SATB2: variants seen among roughly 807,000 people sequenced by gnomAD.
SATB2 encodes SATB homeobox 2, also known as DNA-binding protein SATB2.
A neutral mutation model predicts 73.4 loss-of-function variants in SATB2; 1 was observed. The ratio of observed to expected loss-of-function variants is 0.01; its 90% CI spans 0.00 to 0.06. SATB2 has a LOEUF of 0.06. Ranked by LOEUF, SATB2 falls within the 10% of genes least tolerant of loss-of-function variation. The probability of loss-of-function intolerance (pLI) is 1.00; values close to 1 mark genes in which losing one functional copy is unlikely to be tolerated. For synonymous variants in SATB2, 397 were observed against 367.0 expected, an observed-to-expected ratio of 1.08 and a Z score of -0.93; for missense variants, 459 against 945.8, an observed-to-expected ratio of 0.49 and a Z score of 6.75.
intron 10 of SATB2, among the ~76,000 whole-genome samples, chr2:199,283,249 A>ATT (rs58013191): frequency 0.78 from 106,481 of 136,694 alleles, 43,438 homozygotes; most frequent in Non-Finnish European, 0.88. Context: ...ATGCCTAGCT[A>ATT]TTTTTTTTTT....
chr2:199,436,539 G>A (rs1040509095), intron 2 of SATB2, among the ~76,000 whole-genome samples: 2 of 152,052 alleles, frequency 1.3e-5, no homozygotes, highest in Non-Finnish European at 2.9e-5. Context: ...ATATACATGA[G>A]ATACTGAAGA....
intron 10 of SATB2, among the ~76,000 whole-genome samples, chr2:199,305,246 C>T (rs978055564): frequency 2.6e-5 from 4 of 152,064 alleles, no homozygotes; most frequent in Admixed American, 2.0e-4. Flanking sequence ...AGGACATTGG[C>T]TCCAGCCACA....
At chr2:199,399,835 C>T (rs1690417684) in intron 3 of SATB2, among the ~76,000 whole-genome samples, 1 of 152,124 alleles carries the variant, frequency 6.6e-6, no homozygotes, top group Non-Finnish European at 1.5e-5. Flanking sequence ...TCCAATCACC[C>T]CCTACCAGGC....
At chr2:199,460,525 C>G (rs1692452808), upstream of SATB2, 1 of 152,328 alleles carries the variant, frequency 6.6e-6, no homozygotes, top group South Asian at 2.1e-4. This position sits in a 1 kb window ranked among gnomAD's most constrained non-coding sequence, Gnocchi z 4.0. Context: ...ATTAGGAGTT[C>G]AGTACTTCTG....
chr2:199,338,346 C>T lies in SATB2; in HGVS notation c.1174-9436G>A, dbSNP rs561834109. On this transcript the variant is annotated intron_variant, in intron 7 of 10. Coordinates refer to ENST00000417098, the MANE Select transcript of SATB2 (RefSeq NM_001172509.2). ...TCATGCCACTGCACTCCAGCCTGGGCGACAGAGCAAGACTTTCATTTAAAA... is the reference window on the plus strand; with the variant it reads ...TCATGCCACTGCACTCCAGCCTGGGTGACAGAGCAAGACTTTCATTTAAAA... Among the ~76,000 whole-genome samples the T allele has an allele frequency of 1.3e-3, 198 of 150,136 alleles. 1 individual carries two copies. The highest frequency in any genetic ancestry group is 2.5e-3 in the Admixed American group (37 of 14,986).
intron 10 of SATB2, among the ~76,000 whole-genome samples, chr2:199,284,887 C>T (rs1339668295): frequency 6.6e-6 from 1 of 151,980 alleles, no homozygotes; most frequent in Non-Finnish European, 1.5e-5. Context: ...ATAGCATTTA[C>T]ACTGTATGAG....
chr2:199,322,845 A>G (rs1687926776), intron 9 of SATB2, among the ~76,000 whole-genome samples: 1 of 152,162 alleles, frequency 6.6e-6, no homozygotes, highest in South Asian at 2.1e-4. Context: ...ATAGCACACA[A>G]CAGAAGATTT....
chr2:199,373,099 G>C (rs2105856033), intron 5 of SATB2, among the ~76,000 whole-genome samples: 1 of 152,112 alleles, frequency 6.6e-6, no homozygotes, highest in East Asian at 1.9e-4. Context: ...TTATGAAGAA[G>C]AACATTTTTA....
chr2:199,457,702 G>C lies in SATB2; in HGVS notation c.-423C>G, dbSNP rs1055508833. The C allele has an allele frequency of 6.4e-6, 1 of 155,514 alleles. No homozygotes were observed. The highest frequency in any genetic ancestry group is 2.4e-5 in the African/African-American group (1 of 41,492). The allele number at this position is 155,514 out of a possible 1,614,324, so 9.6% of individuals were successfully genotyped here. A position where few individuals can be genotyped will look rare whatever the true frequency, so the allele number is the denominator to read the frequency against. Reference sequence around the variant, plus strand: ...CACCTTCGGGAAGGAGACCCGTTCTGGAGAGAAAGGGCTGAGAACCCGGAG... The same window carrying C: ...CACCTTCGGGAAGGAGACCCGTTCTCGAGAGAAAGGGCTGAGAACCCGGAG... On this transcript the variant is annotated 5_prime_UTR_variant, in exon 1 of 11. Transcript: ENST00000417098. This position sits in a 1 kb window ranked among gnomAD's most constrained non-coding sequence, Gnocchi z 4.8.
chr2:199,383,638 A>G (rs1334960019), intron 3 of SATB2, among the ~76,000 whole-genome samples: 1 of 152,206 alleles, frequency 6.6e-6, no homozygotes, highest in Non-Finnish European at 1.5e-5. Flanking sequence ...AAGTAAAAGA[A>G]GCAGATTTTG....
chr2:199,452,961 C>A (rs1195990956), intron 2 of SATB2, among the ~76,000 whole-genome samples: 1 of 152,076 alleles, frequency 6.6e-6, no homozygotes, highest in Non-Finnish European at 1.5e-5. Context: ...AGTAAACAAT[C>A]CACTTTTAAG....
intron 2 of SATB2, among the ~76,000 whole-genome samples, chr2:199,452,061 AT>A (rs1325635057): frequency 6.6e-6 from 1 of 152,152 alleles, no homozygotes; most frequent in Non-Finnish European, 1.5e-5. Context: ...TCTAAAAGAT[AT>A]TTTCAATGTT....
intron 10 of SATB2, among the ~76,000 whole-genome samples, chr2:199,301,907 A>G (rs1687299289): frequency 6.6e-6 from 1 of 152,116 alleles, no homozygotes; most frequent in South Asian, 2.1e-4. Context: ...GGCAAAGGAG[A>G]AGGTGAATCC....
chr2:199,380,691 C>T lies in SATB2; in HGVS notation c.474-204G>A, dbSNP rs2305263. Among the ~76,000 whole-genome samples the T allele has an allele frequency of 9.2e-5, 14 of 152,290 alleles. No homozygotes were observed. The East Asian group carries it at 2.7e-3, about 29-fold the overall frequency. ...AAGGGGTCTCTTTTGAGTTTGTCAT[C>T]CCACTCATCCAAGAAAAATAGTCAT... On this transcript the variant is annotated intron_variant, in intron 4 of 10. Transcript: ENST00000417098.
intron 2 of SATB2, among the ~76,000 whole-genome samples, chr2:199,445,241 C>G (rs1019308472): frequency 3.9e-5 from 6 of 152,136 alleles, no homozygotes; most frequent in African/African-American, 1.4e-4. Context: ...TACTTTGCAG[C>G]TTGTTTCCCA....
At chr2:199,388,334 C>G (rs1197751829) in intron 3 of SATB2, among the ~76,000 whole-genome samples, 1 of 152,162 alleles carries the variant, frequency 6.6e-6, no homozygotes, top group Admixed American at 6.5e-5. Context: ...AAACACATAG[C>G]TAAGTGAAAC....
intron 7 of SATB2, among the ~76,000 whole-genome samples, chr2:199,338,608 C>A (rs1462003471): frequency 6.6e-6 from 1 of 151,834 alleles, no homozygotes; most frequent in Non-Finnish European, 1.5e-5. Context: ...GAACTTTGCA[C>A]ATTGGTCAGG....
chr2:199,449,374 A>C (rs977892456), intron 2 of SATB2, among the ~76,000 whole-genome samples: 4 of 152,204 alleles, frequency 2.6e-5, no homozygotes, highest in African/African-American at 9.6e-5. Context: ...TTCTTAAATC[A>C]CTTGCTACTA....
chr2:199,421,591 T>C (rs1691171020), intron 3 of SATB2, among the ~76,000 whole-genome samples: 1 of 152,196 alleles, frequency 6.6e-6, no homozygotes, highest in African/African-American at 2.4e-5. Context: ...CACAGGACTG[T>C]CATCGTGAAA....
Sources: gnomAD v4.1 joint callset for allele counts (sites outside exome capture counted in the v4.1 genomes callset) on GRCh38, gnomAD v4.1.1 for gene constraint, Gnocchi (gnomAD v3.1) non-coding constraint, MANE v1.5 for transcripts, NCBI Gene and HGNC (gene_info 2026-07-23, HGNC 2026-07-21) for gene names.